SLC9A3: variants seen among roughly 807,000 people sequenced by gnomAD.
SLC9A3 encodes solute carrier family 9 member A3.
A neutral mutation model predicts 86.8 loss-of-function variants in SLC9A3; 37 were observed. The ratio of observed to expected loss-of-function variants is 0.43; its 90% CI spans 0.33 to 0.56. The LOEUF is 0.56. SLC9A3 is among the 20% of genes least tolerant of loss of function. The pLI, the probability that SLC9A3 is intolerant of heterozygous loss-of-function variation, is 0.06. For missense variants in SLC9A3, 1,011 were observed against 1,171.9 expected, an observed-to-expected ratio of 0.86 and a Z score of 2.00; for synonymous variants, 581 against 528.3, an observed-to-expected ratio of 1.10 and a Z score of -1.37.
intron 6 of SLC9A3, 54 bp from the exon 7 acceptor site, chr5:482,804 A>T (rs1232074782): frequency 7.0e-7 from 1 of 1,428,440 alleles, no homozygotes; most frequent in Admixed American, 2.0e-5. Context: ...CAGCCGCGGG[A>T]CCCCAGCCCC....
At chr5:512,170 C>G (rs539301804) in intron 1 of SLC9A3, among the ~76,000 whole-genome samples, 2 of 152,326 alleles carry the variant, frequency 1.3e-5, no homozygotes, top group South Asian at 2.1e-4. Context: ...CTGGATGAGA[C>G]TGTAATGCTG....
chr5:493,504 C>T (rs1739888283), intron 1 of SLC9A3, among the ~76,000 whole-genome samples: 1 of 152,256 alleles, frequency 6.6e-6, no homozygotes, highest in African/African-American at 2.4e-5. Context: ...GGGCCGGGTG[C>T]TGGCCCAGAG....
rs1295379061 is a variant in SLC9A3, at chr5:472,415, C to T, written c.*964G>A. The T allele has an allele frequency of 1.8e-5, 6 of 331,404 alleles. No homozygotes were observed. Among genetic ancestry groups the T allele is most frequent in the Non-Finnish European group, 3.0e-5 (5 of 169,380 alleles). The allele number at this position is 331,404 out of a possible 1,614,324, so 20.5% of individuals were successfully genotyped here. A position where few individuals can be genotyped will look rare whatever the true frequency, so the allele number is the denominator to read the frequency against. ...AGAGCAGCTGCTGGGCCCCACCATC[C>T]ACTTAAGGACTGGCCGTGATTCTTG... On this transcript the variant is annotated 3_prime_UTR_variant, in exon 17 of 17. Coordinates refer to ENST00000264938, the MANE Select transcript of SLC9A3 (RefSeq NM_004174.4).
chr5:497,727 C>T lies in SLC9A3; in HGVS notation c.212-5656G>A, dbSNP rs56865650. On this transcript the variant is annotated intron_variant, in intron 1 of 16. Coordinates refer to ENST00000264938, the MANE Select transcript of SLC9A3 (RefSeq NM_004174.4). This position sits in a 1 kb window ranked among gnomAD's most constrained non-coding sequence, Gnocchi z 5.4. ...TCTGCCCCTGTCCTGGGTGGGGTCG[C>T]CCGGCCGCATCCCCAGCCTCTGCCC... 0.055 allele frequency among the ~76,000 whole-genome samples: 5,682 copies of T among 103,756 alleles called. 407 individuals carry two copies. The highest frequency in any genetic ancestry group is 0.17 in the African/African-American group (4,169 of 23,834). 68.1% of individuals were successfully genotyped at this position (103,756 alleles called of 152,430 possible).
Position 483,908 on chromosome 5 carries a change from A to G in SLC9A3, c.933-426T>C, listed in dbSNP as rs571130034. Among the ~76,000 whole-genome samples the G allele has an allele frequency of 1.1e-4, 17 of 152,392 alleles. No individual in the cohort carries two copies. The South Asian group carries it at 3.5e-3, about 32-fold the overall frequency. The stretch of plus-strand genomic sequence containing the variant: ...AGCGGAGCGGGCGAGGTGACGGGAC[A>G]CTGCTCTGAAGGTCCCGCGCTAGGA... On this transcript the variant is annotated intron_variant, in intron 5 of 16. Coordinates refer to ENST00000264938, the MANE Select transcript of SLC9A3 (RefSeq NM_004174.4).
chr5:519,579 C>T (rs1733824650), intron 1 of SLC9A3, among the ~76,000 whole-genome samples: 1 of 152,178 alleles, frequency 6.6e-6, no homozygotes, highest in Non-Finnish European at 1.5e-5. Context: ...CGGAGGCTCC[C>T]TGGGACACGC....
In SLC9A3 at chr5:472,803, G is replaced by T. The variant is rs778750816; in HGVS notation, c.*576C>A. ...TGGCGCTCGGGAGGTCCCTGAGTCG[G>T]TCCCCGAGTCAGTCCCCGGGCGCGG... On this transcript the variant is annotated 3_prime_UTR_variant, in exon 17 of 17. Transcript: ENST00000264938. 66 of 572,768 alleles carry T rather than the reference G, an allele frequency of 1.2e-4. 1 individual carries two copies. The highest frequency in any genetic ancestry group is 9.9e-4 in the South Asian group (65 of 65,396). 35.5% of individuals were successfully genotyped at this position (572,768 alleles called of 1,614,324 possible).
rs562223335 is a variant in SLC9A3 at position 473,336 on chromosome 5, G to C, written c.*43C>G. 5 of 1,414,092 alleles carry C rather than the reference G, an allele frequency of 3.5e-6. No homozygotes were observed. The highest frequency in any genetic ancestry group is 3.0e-5 in the African/African-American group (2 of 67,278). 87.6% of individuals were successfully genotyped at this position (1,414,092 alleles called of 1,614,324 possible). A position where few individuals can be genotyped will look rare whatever the true frequency, so the allele number is the denominator to read the frequency against. ...CGGCGGCGGCGGTGGGCGGACCGTG[G>C]CGCGGGGACGAGCGGCCGGTTAGCG... On this transcript the variant is annotated 3_prime_UTR_variant, in exon 17 of 17. Coordinates refer to ENST00000264938, the MANE Select transcript of SLC9A3 (RefSeq NM_004174.4).
chr5:475,227 AGTTAGGGTCACCGGGAAG>A (rs762207722), intron 15 of SLC9A3, 95 bp from the exon 16 acceptor site: 50 of 721,830 alleles, frequency 6.9e-5, no homozygotes, highest in South Asian at 1.0e-4. Flanking sequence ...TGCCTTGGAA[AGTTAGGGTCACCGGGAAG>A]GTTAGGGTCA....
Position 497,905 on chromosome 5 carries a change from C to T in SLC9A3, c.212-5834G>A, listed in dbSNP as rs1285685409. ...TGCCCCTGTCCCGGGTGGGGTCGCC[C>T]GGCCGCATCCCCAGCCTCTGCCCTC... On this transcript the variant is annotated intron_variant, in intron 1 of 16. Coordinates refer to ENST00000264938, the MANE Select transcript of SLC9A3 (RefSeq NM_004174.4). This position sits in a 1 kb window ranked among gnomAD's most constrained non-coding sequence, Gnocchi z 5.4. 1.2e-4 allele frequency among the ~76,000 whole-genome samples: 18 copies of T among 150,606 alleles called. 2 individuals carry two copies. Among genetic ancestry groups the T allele is most frequent in the Non-Finnish European group, 1.0e-4 (7 of 67,548 alleles).
intron 1 of SLC9A3, among the ~76,000 whole-genome samples, chr5:498,610 C>T (rs1425320786): frequency 6.6e-6 from 1 of 152,136 alleles, no homozygotes; most frequent in Non-Finnish European, 1.5e-5. Flanking sequence ...CCATGCTGGC[C>T]AGGCTGGTCT....
At chr5:506,308 G>A (rs562190640) in intron 1 of SLC9A3, among the ~76,000 whole-genome samples, 77 of 152,314 alleles carry the variant, frequency 5.1e-4, no homozygotes, top group Middle Eastern at 3.4e-3. Flanking sequence ...GGCCCGAGAC[G>A]GGGGCTGGAG....
At chr5:485,623 C>T (rs1739427098) in intron 3 of SLC9A3, among the ~76,000 whole-genome samples, 1 of 152,268 alleles carries the variant, frequency 6.6e-6, no homozygotes, top group East Asian at 1.9e-4. Context: ...TGTTTTTAAA[C>T]CTTAGCCCGG....
At chr5:489,577 C>G (rs544503943) in intron 2 of SLC9A3, among the ~76,000 whole-genome samples, 165 of 152,332 alleles carry the variant, frequency 1.1e-3, no homozygotes, top group African/African-American at 3.8e-3. Flanking sequence ...CCCCAGCAGC[C>G]TCTGGCCAGT....
chr5:514,487 G>T (rs1733667560), intron 1 of SLC9A3, among the ~76,000 whole-genome samples: 1 of 152,226 alleles, frequency 6.6e-6, no homozygotes, highest in African/African-American at 2.4e-5. Context: ...GCCTGTCGGG[G>T]GCTTTGCTCA....
At position 524,182 on chromosome 5, in the gene SLC9A3, G is replaced by C. The variant is rs1733966635; in HGVS notation, c.141C>G (p.Phe47Leu). 3 of 1,547,132 alleles carry C rather than the reference G, an allele frequency of 1.9e-6. No individual in the cohort carries two copies. Among genetic ancestry groups the C allele is most frequent in the Non-Finnish European group, 2.6e-6 (3 of 1,150,000 alleles). ...AGGGATCCTGCACGTGGGCCCACTC[G>C]AAGGTGACCACCTGGAAGCCCCCGC... ...GESGGFQVVT[F>L]EWAHVQDPYV... Residue 47 changes from phenylalanine (F) to leucine (L), a missense_variant, in exon 1 of 17, where the codon TTC becomes TTG. By Grantham distance (22) the Phe-to-Leu change is conservative (BLOSUM62 0). Transcript: ENST00000264938.
chr5:481,649 A>G lies in SLC9A3; in HGVS notation c.1447-14T>C. 6.2e-7 allele frequency: 1 copy of G among 1,612,346 alleles called. No homozygotes were observed. Among genetic ancestry groups the G allele is most frequent in the Non-Finnish European group, 8.5e-7 (1 of 1,178,448 alleles). On this transcript the variant is annotated splice_polypyrimidine_tract_variant and intron_variant, in intron 8 of 16. Transcript: ENST00000264938. ...GTGGTCGAAAGCCTTTCAAGGGAAG[A>G]AAGACATGAGCGTCTCGGGGCGGCC...
chr5:522,939 C>A (rs971826850), intron 1 of SLC9A3, among the ~76,000 whole-genome samples: 1 of 151,978 alleles, frequency 6.6e-6, no homozygotes, highest in Non-Finnish European at 1.5e-5. Flanking sequence ...GACTCCCCCC[C>A]GGCCAGCATC....
intron 1 of SLC9A3, among the ~76,000 whole-genome samples, chr5:508,018 C>A (rs116080887): frequency 0.02 from 3,114 of 152,068 alleles, 55 homozygotes; most frequent in Non-Finnish European, 0.031. Flanking sequence ...CCCCGCTACA[C>A]CCAAATGCCC....
Sources: gnomAD v4.1 joint callset for allele counts (sites outside exome capture counted in the v4.1 genomes callset) on GRCh38, gnomAD v4.1.1 for gene constraint, Gnocchi (gnomAD v3.1) non-coding constraint, MANE v1.5 for transcripts, NCBI Gene and HGNC (gene_info 2026-07-23, HGNC 2026-07-21) for gene names.